The following GREB1L variants were observed in gnomAD, a reference collection of about 807,000 sequenced individuals.
GREB1L encodes the protein GREB1-like protein.
Under a neutral mutation model 200.8 loss-of-function variants are expected in GREB1L, and 17 were observed. The observed-to-expected ratio is 0.08, with a 90% CI of 0.06 to 0.13. GREB1L has a LOEUF of 0.13. Ranked by LOEUF, GREB1L falls within the 10% of genes least tolerant of loss-of-function variation. The pLI is 1.00. For synonymous variants in GREB1L, 789 were observed against 893.0 expected, an observed-to-expected ratio of 0.88 and a Z score of 2.08; for missense variants, 1,657 against 2,367.7, an observed-to-expected ratio of 0.70 and a Z score of 6.23.
At chr18:21,260,781 GT>G (rs2037877363) in intron 1 of GREB1L, among the ~76,000 whole-genome samples, 1 of 151,864 alleles carries the variant, frequency 6.6e-6, no homozygotes, top group Non-Finnish European at 1.5e-5. Flanking sequence ...GTGTGGGGTG[GT>G]TATGATAGTC....
intron 1 of GREB1L, among the ~76,000 whole-genome samples, chr18:21,345,375 C>T (rs1468510484): frequency 1.3e-5 from 2 of 152,178 alleles, no homozygotes; most frequent in Non-Finnish European, 2.9e-5. Flanking sequence ...TAGGAGGCTG[C>T]AGTAATCCTT....
intron 1 of GREB1L, among the ~76,000 whole-genome samples, chr18:21,325,813 CAAAAAAAAAAAA>C (rs60239796): frequency 1.9e-3 from 80 of 41,690 alleles, no homozygotes; most frequent in African/African-American, 3.3e-3. Flanking sequence ...GACCTTGTCT[CAAAAAAAAAAAA>C]AAAAAAAAAA....
chr18:21,269,107 AC>A (rs1459924544), intron 1 of GREB1L, among the ~76,000 whole-genome samples: 1 of 152,208 alleles, frequency 6.6e-6, no homozygotes, highest in Non-Finnish European at 1.5e-5. Flanking sequence ...TAATACGTGT[AC>A]TGTAATGCCT....
chr18:21,443,268 T>C (rs1323942794), intron 10 of GREB1L, among the ~76,000 whole-genome samples: 6 of 152,010 alleles, frequency 3.9e-5, no homozygotes, highest in Admixed American at 3.9e-4. Context: ...AGTGGCGCGA[T>C]CTCGGCTCAC....
At chr18:21,334,510 G>T (rs1484794656) in intron 1 of GREB1L, among the ~76,000 whole-genome samples, 1 of 152,092 alleles carries the variant, frequency 6.6e-6, no homozygotes, top group African/African-American at 2.4e-5. Context: ...GTTACATTTT[G>T]TCTTGCTGGA....
chr18:21,290,990 C>A (rs2038441016), intron 1 of GREB1L, among the ~76,000 whole-genome samples: 1 of 152,090 alleles, frequency 6.6e-6, no homozygotes, highest in Admixed American at 6.5e-5. Flanking sequence ...CAACGCTTGT[C>A]CTATAGGATA....
In GREB1L at chr18:21,515,533, G is replaced by A; in HGVS notation, c.5018G>A (p.Ser1673Asn). 1 of 1,551,700 alleles carries A rather than the reference G, an allele frequency of 6.4e-7. No homozygotes were observed. Among genetic ancestry groups the A allele is most frequent in the Non-Finnish European group, 8.7e-7 (1 of 1,146,966 alleles). Residue 1673 changes from serine (S) to asparagine (N), a missense_variant, in exon 29 of 33, where the codon AGC becomes AAC. Physicochemically the swap from Ser to Asn is conservative, Grantham distance 46 (BLOSUM62 1). Transcript: ENST00000424526. ...GCAATCTTGGGCATACAGAAATGGA[G>A]CAGCAAGCTGACTTCTCAGAGCCTA... ...HYAILGIQKW[S>N]SKLTSQSLKA... is the part of the protein sequence containing the mutation.
rs57580438 is a variant in GREB1L at position 21,288,083 on chromosome 18, G to A, written c.-120+45690G>A. ...CTCCCATAGTGTTGGGATTACAGGC[G>A]TGAGCCACAGCGCCTGGCTTAAAAA... On this transcript the variant is annotated intron_variant, in intron 1 of 32. Transcript: ENST00000424526. Among the ~76,000 whole-genome samples the A allele has an allele frequency of 7.3e-4, 111 of 152,212 alleles. 2 individuals carry two copies. In the East Asian group the frequency reaches 0.018, roughly 24 times the overall value.
chr18:21,322,209 G>A (rs2038961479), intron 1 of GREB1L, among the ~76,000 whole-genome samples: 1 of 151,870 alleles, frequency 6.6e-6, no homozygotes, highest in Non-Finnish European at 1.5e-5. Flanking sequence ...ACAAACTAGA[G>A]GAAAATAAAT....
chr18:21,287,730 G>C (rs959015861), intron 1 of GREB1L, among the ~76,000 whole-genome samples: 1 of 151,894 alleles, frequency 6.6e-6, no homozygotes, highest in Non-Finnish European at 1.5e-5. Context: ...TTCGCAGCCT[G>C]TGAGAGGAGG....
intron 15 of GREB1L, among the ~76,000 whole-genome samples, chr18:21,458,968 G>A (rs960157037): frequency 2.0e-5 from 3 of 151,610 alleles, no homozygotes; most frequent in African/African-American, 4.8e-5. Context: ...GGAGAGAGAA[G>A]TACAGGAAGT....
chr18:21,500,623 T>C lies in GREB1L; in HGVS notation c.4053T>C (p.Asp1351=). ...GGCTCCTGGAGGTGGACGTGTATGATGAGGAGGAGATCAACACCGGTGAGT... is the reference window on the plus strand; with the variant it reads ...GGCTCCTGGAGGTGGACGTGTATGACGAGGAGGAGATCAACACCGGTGAGT... The part of the protein sequence containing the change: ...LIRLLEVDVY[D]EEEINTDHNE... The change falls in exon 23 of 33, where the codon GAT becomes GAC. Residue 1351 remains aspartate (D), a synonymous_variant. Transcript: ENST00000424526. 3 of 1,547,612 alleles carry C rather than the reference T, an allele frequency of 1.9e-6. No individual in the cohort carries two copies. The highest frequency in any genetic ancestry group is 2.6e-6 in the Non-Finnish European group (3 of 1,145,312).
Position 21,444,218 on chromosome 18 carries a change from G to T in GREB1L, c.1208-6G>T. 1.3e-6 allele frequency: 2 copies of T among 1,547,814 alleles called. No homozygotes were observed. The highest frequency in any genetic ancestry group is 1.2e-5 in the South Asian group (1 of 83,872). On this transcript the variant is annotated splice_region_variant and splice_polypyrimidine_tract_variant and intron_variant, in intron 10 of 32. Coordinates refer to ENST00000424526, the MANE Select transcript of GREB1L (RefSeq NM_001142966.3). ...GAACTGTACTGACCTGCTTCTATTG[G>T]GACAGGCTATGGCACTTTACCCTAT...
At chr18:21,475,788 G>A (rs1174461608) in intron 16 of GREB1L, among the ~76,000 whole-genome samples, 5 of 151,706 alleles carry the variant, frequency 3.3e-5, no homozygotes, top group Non-Finnish European at 7.4e-5. Flanking sequence ...CCAACATGGT[G>A]AAACCCCATC....
At chr18:21,281,145 T>G (rs1402171756) in intron 1 of GREB1L, among the ~76,000 whole-genome samples, 2 of 152,208 alleles carry the variant, frequency 1.3e-5, no homozygotes, top group Non-Finnish European at 2.9e-5. Flanking sequence ...TGATCTGACT[T>G]TGTAAAAGAG....
At chr18:21,376,426 GAAAAAAA>G (rs568483529) in intron 2 of GREB1L, among the ~76,000 whole-genome samples, 1 of 99,518 alleles carries the variant, frequency 1.0e-5, no homozygotes, top group African/African-American at 3.6e-5. Flanking sequence ...CTATTTTTAA[GAAAAAAA>G]AAAAAAAAGC....
intron 1 of GREB1L, among the ~76,000 whole-genome samples, chr18:21,332,199 A>T (rs1170333992): frequency 6.6e-6 from 1 of 152,232 alleles, no homozygotes; most frequent in African/African-American, 2.4e-5. Context: ...GTTGTACTAC[A>T]TTGAAATACA....
At chr18:21,332,755 G>A (rs1450723239) in intron 1 of GREB1L, among the ~76,000 whole-genome samples, 1 of 152,132 alleles carries the variant, frequency 6.6e-6, no homozygotes, top group Non-Finnish European at 1.5e-5. Context: ...GATTACAGGC[G>A]TGAGCCACCA....
At chr18:21,245,804 G>T (rs1455749580) in intron 1 of GREB1L, among the ~76,000 whole-genome samples, 1 of 152,078 alleles carries the variant, frequency 6.6e-6, no homozygotes, top group African/African-American at 2.4e-5. Flanking sequence ...TGCAAGCTCC[G>T]CCTTCCGGGT....
Sources: gnomAD v4.1 joint callset for allele counts (sites outside exome capture counted in the v4.1 genomes callset) on GRCh38, gnomAD v4.1.1 for gene constraint, MANE v1.5 for transcripts, NCBI Gene and HGNC (gene_info 2026-07-23, HGNC 2026-07-21) for gene names.